CNBD1: variants seen among roughly 807,000 people sequenced by gnomAD.
CNBD1 encodes cyclic nucleotide-binding domain-containing protein 1.
A neutral mutation model predicts 54.4 loss-of-function variants in CNBD1; 71 were observed. The ratio of observed to expected loss-of-function variants is 1.30; its 90% CI spans 1.08 to 1.59. The LOEUF is 1.59. Among genes scored for constraint, CNBD1 ranks in the 40% most tolerant of loss-of-function variants. The pLI is 0.00. For missense variants in CNBD1, 659 were observed against 518.0 expected, an observed-to-expected ratio of 1.27 and a Z score of -2.64; for synonymous variants, 182 against 170.7, an observed-to-expected ratio of 1.07 and a Z score of -0.51.
chr8:87,024,593 C>T (rs775301306), intron 4 of CNBD1, among the ~76,000 whole-genome samples: 3 of 152,074 alleles, frequency 2.0e-5, no homozygotes, highest in African/African-American at 4.8e-5. Context: ...CCACCCACCT[C>T]GGCCTCCCAA....
At chr8:87,125,718 A>G (rs1811977703) in intron 4 of CNBD1, among the ~76,000 whole-genome samples, 1 of 151,880 alleles carries the variant, frequency 6.6e-6, no homozygotes, top group East Asian at 1.9e-4. Context: ...TTAAAAGTAT[A>G]TAGTTTAATA....
At chr8:87,081,752 T>C (rs1433393570) in intron 4 of CNBD1, among the ~76,000 whole-genome samples, 1 of 152,152 alleles carries the variant, frequency 6.6e-6, no homozygotes, top group East Asian at 1.9e-4. Flanking sequence ...GTGATCTGCC[T>C]GCCTCGGCCT....
At position 87,163,582 on chromosome 8, in the gene CNBD1, T is replaced by G. The variant is rs1355411974; in HGVS notation, c.432-42411T>G. ...AATATTTTTTTGTTGCTGTTGTAAT[T>G]GACATTTTTTAAAATTTCTTTTTTT... is the stretch of plus-strand genomic sequence containing the variant. On this transcript the variant is annotated intron_variant, in intron 4 of 10. Coordinates refer to ENST00000518476, the MANE Select transcript of CNBD1 (RefSeq NM_173538.3). The surrounding 1 kb of genome is among the most constrained non-coding windows in gnomAD (Gnocchi z 4.5). Among the ~76,000 whole-genome samples, 1 of 151,908 alleles carries G rather than the reference T, an allele frequency of 6.6e-6. No homozygotes were observed. Among genetic ancestry groups the G allele is most frequent in the African/African-American group, 2.4e-5 (1 of 41,428 alleles).
intron 4 of CNBD1, among the ~76,000 whole-genome samples, chr8:87,171,247 G>T (rs1293673882): frequency 6.6e-6 from 1 of 151,862 alleles, no homozygotes. Context: ...TTCAATCTTG[G>T]TAGGTTGTGT....
intron 3 of CNBD1, among the ~76,000 whole-genome samples, chr8:86,927,937 G>T (rs979266926): frequency 6.6e-6 from 1 of 152,040 alleles, no homozygotes; most frequent in African/African-American, 2.4e-5. Flanking sequence ...TGGTCTTGCA[G>T]GTTCCTCAGG....
At chr8:87,261,141 G>C (rs919754450) in intron 6 of CNBD1, among the ~76,000 whole-genome samples, 2 of 151,998 alleles carry the variant, frequency 1.3e-5, no homozygotes, top group Non-Finnish European at 2.9e-5. Flanking sequence ...ATTTGTTCCC[G>C]GACCCAGTCC....
At chr8:86,897,448 G>T (rs2131800113) in intron 2 of CNBD1, among the ~76,000 whole-genome samples, 1 of 152,240 alleles carries the variant, frequency 6.6e-6, no homozygotes, top group South Asian at 2.1e-4. Flanking sequence ...TATGAAAAGA[G>T]GCTCTGGGAT....
intron 5 of CNBD1, among the ~76,000 whole-genome samples, chr8:87,208,346 G>T (rs1340407113): frequency 6.6e-6 from 1 of 152,072 alleles, no homozygotes; most frequent in South Asian, 2.1e-4. Context: ...AACACATTAT[G>T]TGTGTCTAAG....
intron 6 of CNBD1, among the ~76,000 whole-genome samples, chr8:87,278,566 C>T (rs1321849799): frequency 2.6e-5 from 4 of 151,388 alleles, no homozygotes; most frequent in Middle Eastern, 3.2e-3. Flanking sequence ...CCAGTAAAAC[C>T]ATCTTTTTGA....
At chr8:87,388,293 CA>C (rs1218784465) in intron 2 of CNBD1, among the ~76,000 whole-genome samples, 1 of 151,886 alleles carries the variant, frequency 6.6e-6, no homozygotes, top group African/African-American at 2.4e-5. Context: ...AAAAACCCTT[CA>C]AAAAATCAAT....
chr8:87,193,870 G>C (rs1191616724), intron 4 of CNBD1, among the ~76,000 whole-genome samples: 5 of 152,170 alleles, frequency 3.3e-5, no homozygotes, highest in Non-Finnish European at 5.9e-5. Flanking sequence ...TTTAGAATAA[G>C]AGTTTAACGG....
At position 87,353,642 on chromosome 8, in the gene CNBD1, T is replaced by A; in HGVS notation, c.1159T>A (p.Ser387Thr). ...VKLRSNKVKRSQKLVYMGKLK... is the reference protein window; with the variant it reads ...VKLRSNKVKRTQKLVYMGKLK... ...TAATATATTTTTTTAACAGAAAAGA[T>A]CTCAAAAACTTGTTTATATGGGGAA... is the stretch of plus-strand genomic sequence containing the variant. Residue 387 changes from serine (S) to threonine (T), a missense_variant, in exon 10 of 11, where the codon TCT becomes ACT. Transcript: ENST00000518476. The A allele has an allele frequency of 6.4e-7, 1 of 1,574,146 alleles. No homozygotes were observed. The highest frequency in any genetic ancestry group is 8.6e-7 in the Non-Finnish European group (1 of 1,157,920).
intron 6 of CNBD1, among the ~76,000 whole-genome samples, chr8:87,258,529 G>A (rs1474008933): frequency 1.3e-5 from 2 of 151,782 alleles, no homozygotes; most frequent in Non-Finnish European, 2.9e-5. Flanking sequence ...AATCTCAAGT[G>A]ATCTGCCCTC....
At chr8:87,289,691 AATAATAAC>A (rs1488124248) in intron 8 of CNBD1, among the ~76,000 whole-genome samples, 1 of 152,156 alleles carries the variant, frequency 6.6e-6, no homozygotes, top group Admixed American at 6.6e-5. Context: ...TGAAAATCAT[AATAATAAC>A]AGTAATAGTC....
intron 5 of CNBD1, among the ~76,000 whole-genome samples, chr8:87,230,286 C>T (rs999535465): frequency 2.0e-5 from 3 of 152,106 alleles, no homozygotes; most frequent in African/African-American, 7.2e-5. Context: ...GATTACAATT[C>T]GACAGGAGAT....
At chr8:87,396,388 C>T (rs1157248377) in intron 2 of CNBD1, among the ~76,000 whole-genome samples, 1 of 151,892 alleles carries the variant, frequency 6.6e-6, no homozygotes, top group South Asian at 2.1e-4. Context: ...TACCTCCTGT[C>T]ACTGAAATCT....
chr8:87,062,979 A>G (rs1810576360), intron 4 of CNBD1, among the ~76,000 whole-genome samples: 1 of 152,182 alleles, frequency 6.6e-6, no homozygotes, highest in African/African-American at 2.4e-5. Flanking sequence ...CGTTATTAGT[A>G]TAACAACTGA....
chr8:86,880,617 A>C (rs1209289418), intron 1 of CNBD1, among the ~76,000 whole-genome samples: 1 of 152,224 alleles, frequency 6.6e-6, no homozygotes, highest in South Asian at 2.1e-4. Flanking sequence ...GAAAATATTT[A>C]GGATATATTT....
At chr8:87,326,117 T>G (rs971794567) in intron 8 of CNBD1, among the ~76,000 whole-genome samples, 3 of 133,550 alleles carry the variant, frequency 2.2e-5, no homozygotes, top group Middle Eastern at 3.7e-3. Flanking sequence ...TCTTTAAGAA[T>G]GTTGAATATT....
Sources: gnomAD v4.1 joint callset for allele counts (sites outside exome capture counted in the v4.1 genomes callset) on GRCh38, gnomAD v4.1.1 for gene constraint, Gnocchi (gnomAD v3.1) non-coding constraint, MANE v1.5 for transcripts, NCBI Gene and HGNC (gene_info 2026-07-23, HGNC 2026-07-21) for gene names.